CSGALNACT1: variants seen among roughly 807,000 people sequenced by gnomAD.
CSGALNACT1 encodes the protein beta4GalNAcT-1.
In CSGALNACT1, 52 loss-of-function variants were observed where a neutral mutation model predicts 51.0. The ratio of observed to expected loss-of-function variants is 1.02; its 90% confidence interval spans 0.82 to 1.29. The LOEUF (loss-of-function observed/expected upper bound fraction) is 1.29, where lower values mean the gene tolerates loss of function less well. Among genes scored for constraint, CSGALNACT1 ranks in the 50% most tolerant of loss-of-function variants. The probability of loss-of-function intolerance (pLI) is 0.00; values close to 1 mark genes in which losing one functional copy is unlikely to be tolerated. For missense variants in CSGALNACT1, 935 were observed against 679.2 expected (o/e 1.38, Z -4.19); for synonymous variants, 341 against 254.4 (o/e 1.34, Z -3.24).
At chr8:19,496,223 G>T (rs2075417776) in intron 4 of CSGALNACT1, among the ~76,000 whole-genome samples, 1 of 152,194 alleles carries the variant, frequency 6.6e-6, no homozygotes, top group Non-Finnish European at 1.5e-5. Context: ...TCTGGTAAAA[G>T]ATAGGGTTTT....
At chr8:19,657,709 G>A (rs1277968591) in intron 1 of CSGALNACT1, among the ~76,000 whole-genome samples, 2 of 152,198 alleles carry the variant, frequency 1.3e-5, no homozygotes, top group African/African-American at 4.8e-5. Context: ...AGGAAAGAAT[G>A]TTCTAGACAG....
intron 4 of CSGALNACT1, among the ~76,000 whole-genome samples, chr8:19,497,176 C>G (rs1353129058): frequency 1.3e-5 from 2 of 152,184 alleles, no homozygotes; most frequent in African/African-American, 4.8e-5. Flanking sequence ...GAGACAACCC[C>G]ACTTCCCTCC....
intron 3 of CSGALNACT1, among the ~76,000 whole-genome samples, chr8:19,548,654 A>C (rs922737909): frequency 1.3e-5 from 2 of 152,238 alleles, no homozygotes; most frequent in Non-Finnish European, 2.9e-5. Flanking sequence ...TTTATCAAGC[A>C]CATGATTTTA....
At position 19,405,002 on chromosome 8, in the gene CSGALNACT1, A is replaced by G. The variant is rs28611342; in HGVS notation, c.*778T>C. The G allele has an allele frequency of 2.7e-3, 1,205 of 453,866 alleles. 11 individuals are homozygous for G. Among genetic ancestry groups the G allele is most frequent in the African/African-American group, 0.022 (1,099 of 50,114 alleles). 28.1% of individuals were successfully genotyped at this position (453,866 alleles called of 1,614,324 possible). A position where few individuals can be genotyped will look rare whatever the true frequency, so the allele number is the denominator to read the frequency against. ...TGGCATGTCCTTGGATATGGCATCA[A>G]TTTGATGCTTTGAACTGAAAGTTCT... On this transcript the variant is annotated 3_prime_UTR_variant, in exon 10 of 10. Transcript: ENST00000454498.
intron 4 of CSGALNACT1, among the ~76,000 whole-genome samples, chr8:19,484,420 GA>G (rs1382581595): frequency 6.6e-6 from 1 of 152,112 alleles, no homozygotes; most frequent in East Asian, 1.9e-4. Flanking sequence ...AGTAAGAAAT[GA>G]TATTTATTTA....
intron 4 of CSGALNACT1, among the ~76,000 whole-genome samples, chr8:19,485,746 C>T (rs558719369): frequency 7.9e-6 from 1 of 126,944 alleles, no homozygotes; most frequent in Non-Finnish European, 1.8e-5. Context: ...AGTCTCACTG[C>T]CACCTCAGCT....
At chr8:19,754,892 A>G (rs1190593398) in intron 1 of CSGALNACT1, among the ~76,000 whole-genome samples, 1 of 152,220 alleles carries the variant, frequency 6.6e-6, no homozygotes, top group African/African-American at 2.4e-5. Flanking sequence ...TGCAAAATCA[A>G]TAGGTAATAA....
intron 1 of CSGALNACT1, among the ~76,000 whole-genome samples, chr8:19,724,172 G>A (rs754390606): frequency 4.6e-4 from 70 of 152,140 alleles, no homozygotes; most frequent in Non-Finnish European, 2.9e-4. Flanking sequence ...CCAGGGCTGC[G>A]ACTACAAACT....
chr8:19,592,992 G>C (rs534026115), intron 2 of CSGALNACT1, among the ~76,000 whole-genome samples: 2 of 152,076 alleles, frequency 1.3e-5, no homozygotes, highest in Non-Finnish European at 2.9e-5. Context: ...ACTTACAATA[G>C]GCTTATCCAG....
intron 1 of CSGALNACT1, among the ~76,000 whole-genome samples, chr8:19,637,704 G>A (rs1288065873): frequency 6.6e-6 from 1 of 152,150 alleles, no homozygotes; most frequent in Non-Finnish European, 1.5e-5. Context: ...AAAGGTAATT[G>A]GCAAATAACC....
At chr8:19,684,024 G>C (rs996986931), upstream of CSGALNACT1, among the ~76,000 whole-genome samples, 3 of 152,032 alleles carry the variant, frequency 2.0e-5, no homozygotes, top group African/African-American at 4.8e-5. Context: ...AAATTAGCCG[G>C]GTATGGCGGC....
chr8:19,679,886 A>G (rs996503745), intron 1 of CSGALNACT1, among the ~76,000 whole-genome samples: 37 of 152,204 alleles, frequency 2.4e-4, no homozygotes, highest in African/African-American at 8.9e-4. Context: ...AAAAGTGAGG[A>G]ATGTGCACTG....
chr8:19,560,991 A>G (rs1054196142), intron 3 of CSGALNACT1, among the ~76,000 whole-genome samples: 4 of 152,282 alleles, frequency 2.6e-5, no homozygotes, highest in Non-Finnish European at 5.9e-5. Flanking sequence ...ACAGCAGAAT[A>G]AATGCATCTT....
At chr8:19,667,020 GAAGGAAGGAAGGAAGGAAGGAAGA>G (rs2059390625) in intron 1 of CSGALNACT1, among the ~76,000 whole-genome samples, 1 of 27,274 alleles carries the variant, frequency 3.7e-5, no homozygotes, top group African/African-American at 2.2e-4. Flanking sequence ...AGAAAGAAAG[GAAGGAAGGAAGGAAGGAAGGAAGA>G]AAGAAAGAAA....
At chr8:19,515,802 C>T (rs547240504) in intron 3 of CSGALNACT1, among the ~76,000 whole-genome samples, 6 of 152,148 alleles carry the variant, frequency 3.9e-5, no homozygotes, top group African/African-American at 1.2e-4. Flanking sequence ...TATGCCAGAC[C>T]GTCTAGTCCC....
chr8:19,563,867 C>T (rs980361994), intron 3 of CSGALNACT1, among the ~76,000 whole-genome samples: 5 of 152,126 alleles, frequency 3.3e-5, no homozygotes, highest in Non-Finnish European at 7.4e-5. Flanking sequence ...TCAGCCCCTC[C>T]CCCAGGCATG....
chr8:19,553,614 T>C (rs1177279423), intron 3 of CSGALNACT1, among the ~76,000 whole-genome samples: 1 of 134,430 alleles, frequency 7.4e-6, no homozygotes, highest in Non-Finnish European at 1.5e-5. Flanking sequence ...TTTATGTATA[T>C]AAATACATAT....
chr8:19,445,375 A>G (rs1010649565), intron 5 of CSGALNACT1, among the ~76,000 whole-genome samples: 1 of 152,126 alleles, frequency 6.6e-6, no homozygotes, highest in Non-Finnish European at 1.5e-5. Flanking sequence ...AAGCATTCTC[A>G]TTTTTCTAAT....
chr8:19,606,302 C>A (rs1171464478), upstream of CSGALNACT1, among the ~76,000 whole-genome samples: 1 of 152,110 alleles, frequency 6.6e-6, no homozygotes, highest in African/African-American at 2.4e-5. Context: ...TTTTTTATTT[C>A]TTTAAATCAG....
Sources: gnomAD v4.1 joint callset for allele counts (sites outside exome capture counted in the v4.1 genomes callset) on GRCh38, gnomAD v4.1.1 for gene constraint, MANE v1.5 for transcripts, NCBI Gene and HGNC (gene_info 2026-07-23, HGNC 2026-07-21) for gene names.